TUBA3E: variants seen among roughly 807,000 people sequenced by gnomAD.
TUBA3E encodes the protein tubulin alpha 3e.
In TUBA3E, 21 loss-of-function variants were observed where a neutral mutation model predicts 36.7. The observed-to-expected ratio is 0.57, with a 90% CI of 0.41 to 0.83. The LOEUF (loss-of-function observed/expected upper bound fraction) is 0.83. TUBA3E is among the 40% of genes least tolerant of loss of function. The pLI is 0.00. For synonymous variants in TUBA3E, 177 were observed against 241.9 expected, an observed-to-expected ratio of 0.73 and a Z score of 2.49; for missense variants, 469 against 604.2, an observed-to-expected ratio of 0.78 and a Z score of 2.35.
At position 130,194,160 on chromosome 2, in the gene TUBA3E, T is replaced by C. The variant is rs1690345815; in HGVS notation, c.682A>G (p.Asn228Asp). 6.2e-7 allele frequency: 1 copy of C among 1,613,700 alleles called. No individual in the cohort carries two copies. The highest frequency in any genetic ancestry group is 8.5e-7 in the Non-Finnish European group (1 of 1,180,010). ...DIERPTYTNLNRLIGQIVSSI... is the reference protein window; with the variant it reads ...DIERPTYTNLDRLIGQIVSSI... ...GACACGATCTGCCCAATCAGGCGAT[T>C]GAGGTTGGTGTACGTGGGACGTTCA... The change falls in exon 4 of 5, where the codon AAT becomes GAT. Residue 228 changes from asparagine to aspartate, a missense_variant. By Grantham distance (23) the Asn-to-Asp change is conservative (BLOSUM62 1). Coordinates refer to ENST00000312988, the MANE Select transcript of TUBA3E (RefSeq NM_207312.3).
Position 130,194,241 on chromosome 2 carries a change from C to T in TUBA3E, c.601G>A (p.Ala201Thr), listed in dbSNP as rs541090197. 1.4e-5 allele frequency: 23 copies of T among 1,611,974 alleles called. No individual in the cohort carries two copies. The highest frequency in any genetic ancestry group is 1.7e-5 in the Admixed American group (1 of 59,808). Residue 201 changes from alanine (A) to threonine (T), a missense_variant, in exon 4 of 5, where the codon GCC (alanine) becomes ACC (threonine). Coordinates refer to ENST00000312988, the MANE Select transcript of TUBA3E (RefSeq NM_207312.3). ...ATGGCTTCATTGTCGACCATGAAGGCACAGTCAGAATGTTCCAGGGTCGTG... is the reference window on the plus strand; with the variant it reads ...ATGGCTTCATTGTCGACCATGAAGGTACAGTCAGAATGTTCCAGGGTCGTG... The part of the protein sequence containing the change: ...THTTLEHSDC[A>T]FMVDNEAIYD...
rs766731977 is a variant in TUBA3E, at chr2:130,198,349, G to A, written c.3+9C>T. On this transcript the variant is annotated intron_variant, in intron 1 of 4. Coordinates refer to ENST00000312988, the MANE Select transcript of TUBA3E (RefSeq NM_207312.3). Reference sequence around the variant, plus strand: ...GGCATCTGCGGGGCGGGAGTGACCCGGGTCTTACCATGGCGAACTCCGCTG... The same window carrying A: ...GGCATCTGCGGGGCGGGAGTGACCCAGGTCTTACCATGGCGAACTCCGCTG... 3.5e-5 allele frequency: 47 copies of A among 1,353,406 alleles called. 18 individuals are homozygous for A. Among genetic ancestry groups the A allele is most frequent in the African/African-American group, 1.9e-4 (12 of 64,562 alleles). 83.8% of individuals were successfully genotyped at this position (1,353,406 alleles called of 1,614,324 possible). A position where few individuals can be genotyped will look rare whatever the true frequency, so the allele number is the denominator to read the frequency against.
chr2:130,192,820 G>A (rs1290870663), intron 4 of TUBA3E, among the ~76,000 whole-genome samples: 1 of 152,228 alleles, frequency 6.6e-6, no homozygotes, highest in African/African-American at 2.4e-5. Context: ...ATCAGGCCAG[G>A]TGTGGTGGCT....
rs1363154338 is a variant in TUBA3E, at chr2:130,198,419, T to A, written c.-59A>T. 334 of 1,353,174 alleles carry A rather than the reference T, an allele frequency of 2.5e-4. 84 individuals carry two copies. Among genetic ancestry groups the A allele is most frequent in the Non-Finnish European group, 3.2e-4 (317 of 992,968 alleles). 83.8% of individuals were successfully genotyped at this position (1,353,174 alleles called of 1,614,324 possible). A position where few individuals can be genotyped will look rare whatever the true frequency, so the allele number is the denominator to read the frequency against. ...CCAGACCTCAACCGGCTGCCACAGC[T>A]GCTGAGCGCCCAACTGCAATGACCT... On this transcript the variant is annotated 5_prime_UTR_variant, in exon 1 of 5. Coordinates refer to ENST00000312988, the MANE Select transcript of TUBA3E (RefSeq NM_207312.3).
In TUBA3E at chr2:130,191,968, G is replaced by A; in HGVS notation, c.1216C>T (p.His406Tyr). The change falls in exon 5 of 5, where the codon CAC becomes TAC. Residue 406 changes from histidine to tyrosine, a missense_variant. By Grantham distance (83) the His-to-Tyr change is moderately conservative. Around this residue, in one of 3 missense-constraint regions of TUBA3E, gnomAD observed 296 missense variants for 346.9 expected, o/e 0.85. Coordinates refer to ENST00000312988, the MANE Select transcript of TUBA3E (RefSeq NM_207312.3). ...TCCATGCCTTCGCCCACGTACCAGT[G>A]CACAAAGGCCCACTTGGCATACATG... ...DLMYAKWAFVHWYVGEGMEEG... is the reference protein window; with the variant it reads ...DLMYAKWAFVYWYVGEGMEEG... 1.2e-6 allele frequency: 2 copies of A among 1,613,892 alleles called. No homozygotes were observed. Among genetic ancestry groups the A allele is most frequent in the Non-Finnish European group, 1.7e-6 (2 of 1,179,948 alleles).
intron 4 of TUBA3E, among the ~76,000 whole-genome samples, chr2:130,193,221 GC>G (rs933142905): frequency 9.9e-5 from 15 of 151,298 alleles, no homozygotes; most frequent in African/African-American, 3.4e-4. Flanking sequence ...CACTACTACA[GC>G]CTGAGAGACA....
chr2:130,194,659 A>G (rs942331473), intron 3 of TUBA3E, among the ~76,000 whole-genome samples, 193 bp from the exon 4 acceptor site: 8 of 152,166 alleles, frequency 5.3e-5, no homozygotes, highest in African/African-American at 1.9e-4. Context: ...ACTCAGTAGG[A>G]CTCAAGATGC....
At chr2:130,197,343 C>T (rs1690432866) in intron 1 of TUBA3E, among the ~76,000 whole-genome samples, 1 of 141,164 alleles carries the variant, frequency 7.1e-6, no homozygotes, top group African/African-American at 2.6e-5. Context: ...ACAAATTAGC[C>T]AGGTGTGGTG....
intron 1 of TUBA3E, among the ~76,000 whole-genome samples, chr2:130,196,927 G>C (rs1471499673): frequency 2.0e-5 from 3 of 152,186 alleles, no homozygotes; most frequent in Non-Finnish European, 4.4e-5. Context: ...CTTCTTGCTG[G>C]TTTGGTCAAT....
intron 4 of TUBA3E, among the ~76,000 whole-genome samples, chr2:130,192,551 C>A (rs1690292286): frequency 6.6e-6 from 1 of 152,154 alleles, no homozygotes; most frequent in Non-Finnish European, 1.5e-5. Flanking sequence ...CACTTCTGAC[C>A]CACAAAACAA....
chr2:130,193,882 C>G lies in TUBA3E; in HGVS notation c.960G>C (p.Arg320Ser). Residue 320 changes from arginine (R) to serine (S), a missense_variant, in exon 4 of 5, where the codon AGG (arginine) becomes AGC (serine). By Grantham distance (110) the Arg-to-Ser change is moderately radical. Transcript: ENST00000312988. ...GKYMACCMLY[R>S]GDVVPKDVNA... ...TGACGTCTTTGGGGACCACGTCCCC[C>G]CTGTACAACATGCAGCAGGCCATGT... The G allele has an allele frequency of 1.2e-6, 2 of 1,614,248 alleles. No homozygotes were observed. Among genetic ancestry groups the G allele is most frequent in the Non-Finnish European group, 1.7e-6 (2 of 1,180,054 alleles).
Position 130,191,881 on chromosome 2 carries a change from C to T in TUBA3E, c.1303G>A (p.Val435Met), listed in dbSNP as rs1202979745. Residue 435 changes from valine to methionine, a missense_variant, in exon 5 of 5, where the codon GTG becomes ATG. By Grantham distance (21) the Val-to-Met change is conservative (BLOSUM62 1). Coordinates refer to ENST00000312988, the MANE Select transcript of TUBA3E (RefSeq NM_207312.3). ...LAALEKDCEE[V>M]GVDSVEAEAE... ...TCAGCTTCCACGGAATCCACGCCCA[C>T]CTCTTCACAATCCTTCTCTAGAGCT... is the stretch of plus-strand genomic sequence containing the variant. 1 of 1,614,172 alleles carries T rather than the reference C, an allele frequency of 6.2e-7. No homozygotes were observed.
intron 4 of TUBA3E, among the ~76,000 whole-genome samples, chr2:130,192,876 G>A (rs1182172364): frequency 1.3e-5 from 2 of 152,064 alleles, no homozygotes; most frequent in Admixed American, 6.6e-5. Context: ...GGCAGATCAC[G>A]TGAGGCCAGG....
chr2:130,196,255 T>C lies in TUBA3E; in HGVS notation c.120A>G (p.Lys40=). 1 of 1,613,998 alleles carries C rather than the reference T, an allele frequency of 6.2e-7. No homozygotes were observed. The highest frequency in any genetic ancestry group is 8.5e-7 in the Non-Finnish European group (1 of 1,179,898). The change falls in exon 2 of 5, where the codon AAA becomes AAG. Residue 40 remains lysine (K), a synonymous_variant. Transcript: ENST00000312988. ...IQPDGQMPSD[K]TIGGGDDSFN... ...AGGAGTCGTCCCCGCCACCAATGGT[T>C]TTATCACTTGGCATTTGACCATCGG...
chr2:130,194,977 C>G (rs1200169705), intron 3 of TUBA3E, 102 bp downstream of exon 3: 39 of 1,556,686 alleles, frequency 2.5e-5, no homozygotes, highest in Admixed American at 7.2e-5. Context: ...CGCGCCCGGC[C>G]AAGATGCTGG....
At chr2:130,195,455 TCAGCACGAC>T (rs1690382174) in intron 2 of TUBA3E, among the ~76,000 whole-genome samples, 1 of 152,246 alleles carries the variant, frequency 6.6e-6, no homozygotes. Flanking sequence ...GGTATAAATG[TCAGCACGAC>T]CAGTTCCCAG....
chr2:130,194,391 A>C lies in TUBA3E; in HGVS notation c.451T>G (p.Ser151Ala). The C allele has an allele frequency of 6.2e-7, 1 of 1,612,870 alleles. No individual in the cohort carries two copies. The highest frequency in any genetic ancestry group is 1.3e-5 in the African/African-American group (1 of 74,872). The change falls in exon 4 of 5, where the codon TCT (serine) becomes GCT (alanine). Residue 151 changes from serine to alanine, a missense_variant. This residue lies in a region of TUBA3E where 169 missense variants were observed against 239.0 expected (regional missense o/e 0.71). Transcript: ENST00000312988. Reference protein sequence around the residue: ...FGGGTGSGFASLLMERLSVDY... With the variant: ...FGGGTGSGFAALLMERLSVDY... ...ACTGAGAGCCGCTCCATGAGCAGAGATGCGAACCCAGAGCCAGTGCCGCCC... is the reference window on the plus strand; with the variant it reads ...ACTGAGAGCCGCTCCATGAGCAGAGCTGCGAACCCAGAGCCAGTGCCGCCC...
chr2:130,194,340 C>G lies in TUBA3E; in HGVS notation c.502G>C (p.Glu168Gln), dbSNP rs1690351432. 6.2e-7 allele frequency: 1 copy of G among 1,610,404 alleles called. No homozygotes were observed. Among genetic ancestry groups the G allele is most frequent in the African/African-American group, 1.4e-5 (1 of 72,058 alleles). ...SVDYSKKSKLEFAIYPAPQVS... is the reference protein window; with the variant it reads ...SVDYSKKSKLQFAIYPAPQVS... The stretch of plus-strand genomic sequence containing the variant: ...TGGGGGGCTGGGTAAATGGCAAACT[C>G]TAGCTTGGACTTCTTGCTGTAATCC... Residue 168 changes from glutamate to glutamine, a missense_variant, in exon 4 of 5, where the codon GAG (glutamate) becomes CAG (glutamine). Coordinates refer to ENST00000312988, the MANE Select transcript of TUBA3E (RefSeq NM_207312.3).
Position 130,193,972 on chromosome 2 carries a change from C to T in TUBA3E, c.870G>A (p.Glu290=). 1 of 1,614,208 alleles carries T rather than the reference C, an allele frequency of 6.2e-7. No homozygotes were observed. The highest frequency in any genetic ancestry group is 8.5e-7 in the Non-Finnish European group (1 of 1,180,040). The change falls in exon 4 of 5, where the codon GAG becomes GAA. Residue 290 remains glutamate (E), a synonymous_variant. Coordinates refer to ENST00000312988, the MANE Select transcript of TUBA3E (RefSeq NM_207312.3). ...CTGGCTCGAAGCAGGCATTGGTGATCTCGGCCACAGACAGCTGCTCGTGGT... is the reference window on the plus strand; with the variant it reads ...CTGGCTCGAAGCAGGCATTGGTGATTTCGGCCACAGACAGCTGCTCGTGGT... ...KAYHEQLSVA[E]ITNACFEPAN... is the part of the protein sequence containing the mutation.
Sources: gnomAD v4.1 joint callset for allele counts (sites outside exome capture counted in the v4.1 genomes callset) on GRCh38, gnomAD v4.1.1 for gene constraint, gnomAD v4.1.1 regional missense constraint, MANE v1.5 for transcripts, NCBI Gene and HGNC (gene_info 2026-07-23, HGNC 2026-07-21) for gene names.